Variants in RAB6C observed in about 807,000 individuals in gnomAD.
RAB6C encodes RAB6C, member RAS oncogene family.
In RAB6C, 8 loss-of-function variants were observed where a neutral mutation model predicts 17.2. That is an observed-to-expected ratio of 0.46 (90% CI 0.27 to 0.84). RAB6C has a LOEUF of 0.84. Among genes scored for constraint, RAB6C ranks in the 40% least tolerant of loss-of-function variants. The pLI is 0.13. For missense variants in RAB6C, 151 were observed against 306.5 expected, an observed-to-expected ratio of 0.49 and a Z score of 3.79; for synonymous variants, 78 against 118.9, an observed-to-expected ratio of 0.66 and a Z score of 2.24.
At position 129,981,820 on chromosome 2, in the gene RAB6C, G is replaced by T. The variant is rs1681770106; in HGVS notation, c.*940G>T. On this transcript the variant is annotated 3_prime_UTR_variant, in exon 1 of 1. Transcript: ENST00000410061. ...CGATATCTAAAGCTTACCAGCAAAA[G>T]AACCCTCAGCAGAATAGCAAAAACT... 6.0e-6 allele frequency: 1 copy of T among 167,138 alleles called. No homozygotes were observed. 10.4% of individuals were successfully genotyped at this position (167,138 alleles called of 1,614,324 possible). A position where few individuals can be genotyped will look rare whatever the true frequency, so the allele number is the denominator to read the frequency against.
rs1174448465 is a variant in RAB6C, at chr2:129,980,757, T to G, written c.642T>G (p.Ser214=). ...GGCSCYSPMS[S]STLPQKPPYS... ...GTTCCTGCTACTCTCCCATGTCATC[T>G]TCAACCCTTCCTCAGAAGCCCCCTT... is the stretch of plus-strand genomic sequence containing the variant. The change falls in exon 1 of 1, where the codon TCT becomes TCG. Residue 214 remains serine, a synonymous_variant. Coordinates refer to ENST00000410061, the MANE Select transcript of RAB6C (RefSeq NM_032144.3). 6.2e-7 allele frequency: 1 copy of G among 1,607,444 alleles called. No individual in the cohort carries two copies. The highest frequency in any genetic ancestry group is 1.7e-5 in the Admixed American group (1 of 59,698).
rs573121904 is a variant in RAB6C at position 129,981,079 on chromosome 2, G to A, written c.*199G>A. On this transcript the variant is annotated 3_prime_UTR_variant, in exon 1 of 1. Transcript: ENST00000410061. ...ACAGTATGAGTATGGCTTGGTTAACGAGCAGTATGTTCACAGCCTGCTTTA... is the reference window on the plus strand; with the variant it reads ...ACAGTATGAGTATGGCTTGGTTAACAAGCAGTATGTTCACAGCCTGCTTTA... 1.5e-5 allele frequency: 9 copies of A among 585,030 alleles called. No homozygotes were observed. The highest frequency in any genetic ancestry group is 1.5e-4 in the East Asian group (5 of 34,324). The allele number at this position is 585,030 out of a possible 1,614,324, so 36.2% of individuals were successfully genotyped here. A position where few individuals can be genotyped will look rare whatever the true frequency, so the allele number is the denominator to read the frequency against.
At position 129,979,806 on chromosome 2, in the gene RAB6C, G is replaced by A; in HGVS notation, c.-310G>A. The A allele has an allele frequency of 2.0e-6, 1 of 501,182 alleles. No homozygotes were observed. The highest frequency in any genetic ancestry group is 2.9e-5 in the South Asian group (1 of 34,794). 31.0% of individuals were successfully genotyped at this position (501,182 alleles called of 1,614,324 possible). ...TCTCTGAGCCGGGTGCGGAAGGAGG[G>A]AACGGCCCTAGCCTTGGGAAGCCAA... is the stretch of plus-strand genomic sequence containing the variant. On this transcript the variant is annotated 5_prime_UTR_variant, in exon 1 of 1. Coordinates refer to ENST00000410061, the MANE Select transcript of RAB6C (RefSeq NM_032144.3).
At position 129,982,350 on chromosome 2, in the gene RAB6C, C is replaced by T. The variant is rs991753742; in HGVS notation, c.*1470C>T. The T allele has an allele frequency of 1.2e-5, 2 of 167,162 alleles. No individual in the cohort carries two copies. The highest frequency in any genetic ancestry group is 2.4e-5 in the African/African-American group (1 of 41,540). The allele number at this position is 167,162 out of a possible 1,614,324, so 10.4% of individuals were successfully genotyped here. A position where few individuals can be genotyped will look rare whatever the true frequency, so the allele number is the denominator to read the frequency against. ...TTTGCAGGAAGAAAACTTCGAGTTA[C>T]AGGTCAGGAAAAGCCTGCTGAATTT... On this transcript the variant is annotated 3_prime_UTR_variant, in exon 1 of 1. Coordinates refer to ENST00000410061, the MANE Select transcript of RAB6C (RefSeq NM_032144.3).
At position 129,980,349 on chromosome 2, in the gene RAB6C, C is replaced by T. The variant is rs767991206; in HGVS notation, c.234C>T (p.Leu78=). The T allele has an allele frequency of 6.2e-7, 1 of 1,611,938 alleles. No individual in the cohort carries two copies. Among genetic ancestry groups the T allele is most frequent in the Non-Finnish European group, 8.5e-7 (1 of 1,179,442 alleles). ...DTAGQERLRS[L]IPRYIRDSAA... is the part of the protein sequence containing the mutation. ...CGGGTCAGGAACGTCTCCGTAGCCT[C>T]ATTCCCAGGTACATCCGTGATTCTG... The change falls in exon 1 of 1, where the codon CTC becomes CTT. Residue 78 remains leucine, a synonymous_variant. Transcript: ENST00000410061.
At position 129,982,668 on chromosome 2, in the gene RAB6C, C is replaced by CT. The variant is rs1442032289; in HGVS notation, c.*1789dup. 2 of 167,096 alleles carry CT rather than the reference C, an allele frequency of 1.2e-5. No homozygotes were observed. Among genetic ancestry groups the CT allele is most frequent in the African/African-American group, 4.8e-5 (2 of 41,458 alleles). The allele number at this position is 167,096 out of a possible 1,614,324, so 10.4% of individuals were successfully genotyped here. On this transcript the variant is annotated 3_prime_UTR_variant, in exon 1 of 1. Transcript: ENST00000410061. ...GTGCTTTTATAATACAATATAATTG[C>CT]TAAAGGCAAGGGTTGACTCTTTGTT...
At position 129,979,991 on chromosome 2, in the gene RAB6C, G is replaced by T. The variant is rs973864386; in HGVS notation, c.-125G>T. On this transcript the variant is annotated 5_prime_UTR_variant, in exon 1 of 1. Transcript: ENST00000410061. Reference sequence around the variant, plus strand: ...CTCCTCCAGCCGGGCTCCTCCACCGGCCCTTGCAGGGGCGCAGAGAGCTCG... The same window carrying T: ...CTCCTCCAGCCGGGCTCCTCCACCGTCCCTTGCAGGGGCGCAGAGAGCTCG... 2.0e-5 allele frequency: 28 copies of T among 1,370,994 alleles called. No individual in the cohort carries two copies. The African/African-American group carries it at 4.0e-4, about 20-fold the overall frequency. The allele number at this position is 1,370,994 out of a possible 1,614,324, so 84.9% of individuals were successfully genotyped here.
rs1681781118 is a variant in RAB6C, at chr2:129,982,278, TTG to T, written c.*1401_*1402del. The stretch of plus-strand genomic sequence containing the variant: ...GTGCCCTTTTAATCTTTACTAGTTA[TTG>T]TGAGATTGCTGTGTAAGCTAATAAA... On this transcript the variant is annotated 3_prime_UTR_variant, in exon 1 of 1. Coordinates refer to ENST00000410061, the MANE Select transcript of RAB6C (RefSeq NM_032144.3). 6.0e-6 allele frequency: 1 copy of T among 167,082 alleles called. No individual in the cohort carries two copies. The allele number at this position is 167,082 out of a possible 1,614,324, so 10.3% of individuals were successfully genotyped here. A position where few individuals can be genotyped will look rare whatever the true frequency, so the allele number is the denominator to read the frequency against.
At position 129,980,606 on chromosome 2, in the gene RAB6C, A is replaced by G. The variant is rs1181616204; in HGVS notation, c.491A>G (p.Lys164Arg). ...ETRAKAGYNVKQLFRRVAAAL... is the reference protein window; with the variant it reads ...ETRAKAGYNVRQLFRRVAAAL... The stretch of plus-strand genomic sequence containing the variant: ...AGGGCAAAAGCTGGATACAATGTAA[A>G]GCAGCTCTTTCGACGTGTAGCAGCA... The change falls in exon 1 of 1, where the codon AAG becomes AGG. Residue 164 changes from lysine to arginine, a missense_variant. Transcript: ENST00000410061. 6.2e-7 allele frequency: 1 copy of G among 1,613,432 alleles called. No homozygotes were observed. The highest frequency in any genetic ancestry group is 8.5e-7 in the Non-Finnish European group (1 of 1,179,784).
chr2:129,980,662 G>T lies in RAB6C; in HGVS notation c.547G>T (p.Gly183Ter), dbSNP rs747296971. Residue 183 changes from glycine to a stop codon, truncating the protein, a stop_gained, in exon 1 of 1, where the codon GGA (glycine) becomes TGA (stop). Coordinates refer to ENST00000410061, the MANE Select transcript of RAB6C (RefSeq NM_032144.3). LOFTEE classifies it high-confidence loss of function. ...ALPGMESTQD[G>*]SREDMSDIKL... ...GCCGGGAATGGAAAGCACACAGGAC[G>T]GAAGCAGAGAAGACATGAGTGACAT... 4 of 1,611,138 alleles carry T rather than the reference G, an allele frequency of 2.5e-6. No individual in the cohort carries two copies. In the South Asian group the frequency reaches 3.3e-5, roughly 13 times the overall value.
In RAB6C at chr2:129,981,883, ACGGAAG is replaced by A. The variant is rs1213560233; in HGVS notation, c.*1004_*1009del. The A allele has an allele frequency of 6.0e-6, 1 of 166,864 alleles. No individual in the cohort carries two copies. Among genetic ancestry groups the A allele is most frequent in the Non-Finnish European group, 1.5e-5 (1 of 68,040 alleles). 10.3% of individuals were successfully genotyped at this position (166,864 alleles called of 1,614,324 possible). On this transcript the variant is annotated 3_prime_UTR_variant, in exon 1 of 1. Coordinates refer to ENST00000410061, the MANE Select transcript of RAB6C (RefSeq NM_032144.3). ...TTTGAGGTCAAATTGAAGACGGAAGACGGAAGACGGAAACCGGAAACCGTTTTCTTG... is the reference window on the plus strand; with the variant it reads ...TTTGAGGTCAAATTGAAGACGGAAGAACGGAAACCGGAAACCGTTTTCTTG...
Position 129,981,679 on chromosome 2 carries a change from T to TA in RAB6C, c.*806dup, listed in dbSNP as rs773116651. 1.8e-5 allele frequency: 3 copies of TA among 167,070 alleles called. No homozygotes were observed. The highest frequency in any genetic ancestry group is 4.4e-5 in the Non-Finnish European group (3 of 68,116). The allele number at this position is 167,070 out of a possible 1,614,324, so 10.3% of individuals were successfully genotyped here. ...TAGATTTTGCTTGGGTTTTCTTTCT[T>TA]AAAAAAATAATACTATGCAGGCAAG... On this transcript the variant is annotated 3_prime_UTR_variant, in exon 1 of 1. Transcript: ENST00000410061.
In RAB6C at chr2:129,982,072, T is replaced by TTTAA. The variant is rs61481137; in HGVS notation, c.*1193_*1196dup. 23,749 of 108,144 alleles carry TTTAA rather than the reference T, an allele frequency of 0.22. 5,011 individuals carry two copies. Among genetic ancestry groups the TTTAA allele is most frequent in the African/African-American group, 0.58 (19,994 of 34,712 alleles). The allele number at this position is 108,144 out of a possible 1,614,324, so 6.7% of individuals were successfully genotyped here. ...TTTGGTTTGTATTAGATCTGTATAG[T>TTTAA]TTAACTAGTGATTTAGTTTTATATT... On this transcript the variant is annotated 3_prime_UTR_variant, in exon 1 of 1. Transcript: ENST00000410061.
At position 129,981,807 on chromosome 2, in the gene RAB6C, C is replaced by T. The variant is rs1681769523; in HGVS notation, c.*927C>T. On this transcript the variant is annotated 3_prime_UTR_variant, in exon 1 of 1. Coordinates refer to ENST00000410061, the MANE Select transcript of RAB6C (RefSeq NM_032144.3). ...TTAGCAGAAATAACGATATCTAAAG[C>T]TTACCAGCAAAAGAACCCTCAGCAG... The T allele has an allele frequency of 6.0e-6, 1 of 167,072 alleles. No individual in the cohort carries two copies. The allele number at this position is 167,072 out of a possible 1,614,324, so 10.3% of individuals were successfully genotyped here. A position where few individuals can be genotyped will look rare whatever the true frequency, so the allele number is the denominator to read the frequency against.
rs1681781852 is a variant in RAB6C, at chr2:129,982,323, T to G, written c.*1443T>G. 6.0e-6 allele frequency: 1 copy of G among 167,100 alleles called. No homozygotes were observed. The highest frequency in any genetic ancestry group is 2.4e-5 in the African/African-American group (1 of 41,458). 10.4% of individuals were successfully genotyped at this position (167,100 alleles called of 1,614,324 possible). ...CTAATAAACACATTTGTAAATACATTGTTTGCAGGAAGAAAACTTCGAGTT... is the reference window on the plus strand; with the variant it reads ...CTAATAAACACATTTGTAAATACATGGTTTGCAGGAAGAAAACTTCGAGTT... On this transcript the variant is annotated 3_prime_UTR_variant, in exon 1 of 1. Transcript: ENST00000410061.
chr2:129,980,082 G>C lies in RAB6C; in HGVS notation c.-34G>C. 6.3e-7 allele frequency: 1 copy of C among 1,599,856 alleles called. No individual in the cohort carries two copies. Reference sequence around the variant, plus strand: ...AGGAGCATCGGTCCGGGAGGTCTCTGGGCTGAGGCGGCGACAGCTCCTCTA... The same window carrying C: ...AGGAGCATCGGTCCGGGAGGTCTCTCGGCTGAGGCGGCGACAGCTCCTCTA... On this transcript the variant is annotated 5_prime_UTR_variant, in exon 1 of 1. Coordinates refer to ENST00000410061, the MANE Select transcript of RAB6C (RefSeq NM_032144.3).
At position 129,979,682 on chromosome 2, in the gene RAB6C, T is replaced by TGCG. The variant is rs965264873; in HGVS notation, c.-422_-420dup. The stretch of plus-strand genomic sequence containing the variant: ...GGCTCGCGCACTCAGCAGGTTGGGC[T>TGCG]GCGGCGGCGGCGGCTGGGGAAGCCG... On this transcript the variant is annotated 5_prime_UTR_variant, in exon 1 of 1. Transcript: ENST00000410061. The TGCG allele has an allele frequency of 8.1e-5, 20 of 247,546 alleles. No homozygotes were observed. Among genetic ancestry groups the TGCG allele is most frequent in the Non-Finnish European group, 1.4e-4 (17 of 124,566 alleles). The allele number at this position is 247,546 out of a possible 1,614,324, so 15.3% of individuals were successfully genotyped here.
In RAB6C at chr2:129,980,476, A is replaced by T; in HGVS notation, c.361A>T (p.Ile121Phe). 2.5e-6 allele frequency: 4 copies of T among 1,614,230 alleles called. No individual in the cohort carries two copies. Among genetic ancestry groups the T allele is most frequent in the Non-Finnish European group, 3.4e-6 (4 of 1,180,056 alleles). ...AACAGAAAGAGGAAGTGATGTTATCATCACGCTAGTAGGAAATAGAACAGA... is the reference window on the plus strand; with the variant it reads ...AACAGAAAGAGGAAGTGATGTTATCTTCACGCTAGTAGGAAATAGAACAGA... ...VRTERGSDVI[I>F]TLVGNRTDLA... The change falls in exon 1 of 1, where the codon ATC (isoleucine) becomes TTC (phenylalanine). Residue 121 changes from isoleucine (I) to phenylalanine (F), a missense_variant. Transcript: ENST00000410061.
In RAB6C at chr2:129,979,776, G is replaced by A; in HGVS notation, c.-340G>A. 4.8e-6 allele frequency: 2 copies of A among 418,562 alleles called. No homozygotes were observed. The highest frequency in any genetic ancestry group is 4.8e-5 in the East Asian group (1 of 20,780). The allele number at this position is 418,562 out of a possible 1,614,324, so 25.9% of individuals were successfully genotyped here. A position where few individuals can be genotyped will look rare whatever the true frequency, so the allele number is the denominator to read the frequency against. ...CTCCGCCACCCTCCGTCTCTCTCCC[G>A]CAGGTCTCTGAGCCGGGTGCGGAAG... On this transcript the variant is annotated 5_prime_UTR_variant, in exon 1 of 1. Coordinates refer to ENST00000410061, the MANE Select transcript of RAB6C (RefSeq NM_032144.3).
Sources: allele counts gnomAD v4.1 joint callset, GRCh38; gene constraint gnomAD v4.1.1; transcripts MANE v1.5; gene names NCBI Gene and HGNC (gene_info 2026-07-23, HGNC 2026-07-21).